ZPBP: variants seen among roughly 807,000 people sequenced by gnomAD.
ZPBP encodes zona pellucida-binding protein 1.
A neutral mutation model predicts 44.8 loss-of-function variants in ZPBP; 26 were observed. That is an observed-to-expected ratio of 0.58 (90% CI 0.43 to 0.81). ZPBP has a LOEUF of 0.81. ZPBP is among the 30% of genes least tolerant of loss of function. ZPBP has a pLI of 0.00. For missense variants in ZPBP, 409 were observed against 434.0 expected (o/e 0.94, Z 0.51); for synonymous variants, 174 against 153.2 (o/e 1.14, Z -1.00).
intron 2 of ZPBP, among the ~76,000 whole-genome samples, chr7:49,881,434 TAGAG>T (rs772253186): frequency 3.9e-5 from 6 of 152,130 alleles, no homozygotes; most frequent in East Asian, 1.9e-4. Context: ...GTTTAAAAAA[TAGAG>T]AGAGAGCACT....
At chr7:49,997,910 A>ATTTG (rs1408420195) in intron 6 of ZPBP, among the ~76,000 whole-genome samples, 1 of 151,676 alleles carries the variant, frequency 6.6e-6, no homozygotes, top group Non-Finnish European at 1.5e-5. Context: ...GTCTTTATTT[A>ATTTG]TTTATTTATT....
At chr7:50,031,571 G>C (rs929366887) in intron 4 of ZPBP, among the ~76,000 whole-genome samples, 2 of 152,018 alleles carry the variant, frequency 1.3e-5, no homozygotes, top group African/African-American at 4.8e-5. Context: ...GAAATTGAGG[G>C]CGGCAGGGAT....
At chr7:49,861,514 A>AT (rs1790652877) in intron 2 of ZPBP, among the ~76,000 whole-genome samples, 1 of 151,984 alleles carries the variant, frequency 6.6e-6, no homozygotes, top group South Asian at 2.1e-4. Context: ...CAGTTCATCT[A>AT]TTTTTTTCTT....
chr7:49,911,932 C>CACACACACACAT (rs1262252383), intron 1 of ZPBP: 5 of 846,168 alleles, frequency 5.9e-6, no homozygotes, highest in African/African-American at 1.8e-5. Flanking sequence ...CGCACACACA[C>CACACACACACAT]ACACACACAC....
intron 7 of ZPBP, among the ~76,000 whole-genome samples, chr7:49,968,812 T>G (rs1796166857): frequency 6.6e-6 from 1 of 151,846 alleles, no homozygotes; most frequent in Admixed American, 6.6e-5. Flanking sequence ...ACAAATAAAT[T>G]CCAATCAACA....
intron 2 of ZPBP, among the ~76,000 whole-genome samples, chr7:49,893,404 T>C (rs1248914260): frequency 6.6e-6 from 1 of 152,256 alleles, no homozygotes; most frequent in Non-Finnish European, 1.5e-5. Context: ...GCAGGCGTTT[T>C]CTTTTGATGA....
intron 6 of ZPBP, among the ~76,000 whole-genome samples, chr7:50,014,833 T>C (rs1798751137): frequency 6.6e-6 from 1 of 152,108 alleles, no homozygotes; most frequent in African/African-American, 2.4e-5. Flanking sequence ...TATGCCAAAG[T>C]AAATTTGGCC....
At chr7:50,065,245 T>C (rs1425979985) in intron 3 of ZPBP, among the ~76,000 whole-genome samples, 1 of 138,696 alleles carries the variant, frequency 7.2e-6, no homozygotes, top group East Asian at 1.9e-4. Context: ...TTAACACACA[T>C]GCCCTCATCC....
chr7:50,065,797 G>C (rs935959696), intron 3 of ZPBP, among the ~76,000 whole-genome samples: 1 of 150,996 alleles, frequency 6.6e-6, no homozygotes, highest in African/African-American at 2.5e-5. Flanking sequence ...TATGGACCTG[G>C]AATTGCAGGG....
chr7:49,986,334 C>A (rs984064691), intron 6 of ZPBP, among the ~76,000 whole-genome samples: 1 of 152,326 alleles, frequency 6.6e-6, no homozygotes, highest in South Asian at 2.1e-4. Flanking sequence ...AATGGCACCA[C>A]CCCACCACAA....
intron 6 of ZPBP, among the ~76,000 whole-genome samples, chr7:49,989,251 C>T (rs1197522468): frequency 6.6e-6 from 1 of 152,154 alleles, no homozygotes; most frequent in African/African-American, 2.4e-5. Flanking sequence ...CTTGTGTACA[C>T]AGTCCCTGTA....
intron 1 of ZPBP, among the ~76,000 whole-genome samples, chr7:49,911,168 G>A (rs924489571): frequency 3.3e-5 from 5 of 152,276 alleles, no homozygotes; most frequent in African/African-American, 1.2e-4. Flanking sequence ...GTTAATGAAA[G>A]TCACAGTGTT....
intron 1 of ZPBP, among the ~76,000 whole-genome samples, chr7:49,904,684 C>T (rs1792984240): frequency 6.6e-6 from 1 of 151,616 alleles, no homozygotes; most frequent in African/African-American, 2.4e-5. Flanking sequence ...AGTAACTTTA[C>T]ATCATAACTA....
intron 7 of ZPBP, among the ~76,000 whole-genome samples, chr7:49,956,406 T>C (rs1447958601): frequency 6.6e-6 from 1 of 152,086 alleles, no homozygotes; most frequent in Non-Finnish European, 1.5e-5. Flanking sequence ...AGAAATCTAT[T>C]TTTTGAAAAG....
At chr7:49,941,508 C>T (rs1583880913) in intron 7 of ZPBP, among the ~76,000 whole-genome samples, 1 of 151,928 alleles carries the variant, frequency 6.6e-6, no homozygotes, top group African/African-American at 2.4e-5. Context: ...TAACAATAAA[C>T]AATCCAAAAG....
intron 7 of ZPBP, among the ~76,000 whole-genome samples, chr7:49,955,188 A>C (rs1795525159): frequency 6.6e-6 from 1 of 152,152 alleles, no homozygotes; most frequent in Non-Finnish European, 1.5e-5. Flanking sequence ...GTTAGGAAAA[A>C]ATGTAAAGCT....
chr7:49,909,629 T>C, intron 1 of ZPBP, among the ~76,000 whole-genome samples: 1 of 152,134 alleles, frequency 6.6e-6, no homozygotes, highest in East Asian at 1.9e-4. Flanking sequence ...ATAAATCTGG[T>C]GTTTTCAGGT....
At chr7:50,065,672 T>C (rs992874240) in intron 3 of ZPBP, among the ~76,000 whole-genome samples, 4 of 150,902 alleles carry the variant, frequency 2.7e-5, no homozygotes, top group African/African-American at 9.8e-5. Flanking sequence ...TCCACATACA[T>C]AGTATGAGGA....
chr7:49,925,431 G>C (rs574006169), intron 1 of ZPBP, among the ~76,000 whole-genome samples: 1 of 152,146 alleles, frequency 6.6e-6, no homozygotes. Flanking sequence ...GTAGTAGCTA[G>C]ACAAGCCTGG....
Sources: allele counts gnomAD v4.1 joint callset (sites outside exome capture counted in the v4.1 genomes callset), GRCh38; gene constraint gnomAD v4.1.1; transcripts MANE v1.5; gene names NCBI Gene and HGNC (gene_info 2026-07-23, HGNC 2026-07-21).